SIAE: variants seen among roughly 807,000 people sequenced by gnomAD.
The protein encoded by SIAE is sialate O-acetylesterase.
SIAE carries 39 observed loss-of-function variants against 52.6 expected under a neutral mutation model. That is an observed-to-expected ratio of 0.74 (90% CI 0.57 to 0.97). The LOEUF is 0.97. Among genes scored for constraint, SIAE ranks in the 50% least tolerant of loss-of-function variants. The pLI is 0.00. For synonymous variants in SIAE, 233 were observed against 241.4 expected, an observed-to-expected ratio of 0.97 and a Z score of 0.32; for missense variants, 592 against 662.1, an observed-to-expected ratio of 0.89 and a Z score of 1.16.
intron 6 of SIAE, 132 bp from the exon 7 acceptor site, chr11:124,647,630 C>A: frequency 9.1e-7 from 1 of 1,099,950 alleles, no homozygotes; most frequent in Non-Finnish European, 1.3e-6. Context: ...CTTTTTCCAG[C>A]CAGTGGGGCA....
At chr11:124,639,534 G>C (rs1448012132) in intron 8 of SIAE, among the ~76,000 whole-genome samples, 176 bp downstream of exon 8, 1 of 152,132 alleles carries the variant, frequency 6.6e-6, no homozygotes, top group Non-Finnish European at 1.5e-5. Flanking sequence ...ATAAATTGTT[G>C]GTGCATCAGA....
chr11:124,654,888 C>T, intron 3 of SIAE, 95 bp from the exon 4 acceptor site: 1 of 1,433,240 alleles, frequency 7.0e-7, no homozygotes, highest in Admixed American at 1.7e-5. Flanking sequence ...CCTGAGCTTT[C>T]AATATACTGA....
At chr11:124,661,211 A>G (rs1456683770) in intron 2 of SIAE, among the ~76,000 whole-genome samples, 3 of 152,184 alleles carry the variant, frequency 2.0e-5, no homozygotes, top group African/African-American at 7.2e-5. Flanking sequence ...ATTGAATGTG[A>G]CCACAGGGTA....
intron 3 of SIAE, chr11:124,659,719 A>T (rs1943158429): frequency 6.6e-6 from 1 of 151,430 alleles, no homozygotes; most frequent in African/African-American, 2.4e-5. Context: ...GATAAGGAAG[A>T]CTTCAATGCA....
chr11:124,642,563 C>T (rs766157602), intron 7 of SIAE, among the ~76,000 whole-genome samples: 3 of 152,096 alleles, frequency 2.0e-5, no homozygotes, highest in Admixed American at 6.5e-5. Flanking sequence ...GAAGGAGATG[C>T]GCAAAGAAGC....
chr11:124,673,880 T>C (rs1173980956), upstream of SIAE: 1 of 695,424 alleles, frequency 1.4e-6, no homozygotes, highest in Non-Finnish European at 2.3e-6. Flanking sequence ...TTTTTTTTTT[T>C]TAAAGAAAAA....
intron 4 of SIAE, among the ~76,000 whole-genome samples, chr11:124,652,015 G>A (rs577027719): frequency 9.5e-4 from 144 of 152,310 alleles, no homozygotes; most frequent in Non-Finnish European, 1.7e-3. Flanking sequence ...GAAAAAATAC[G>A]TGAAAAGGCA....
chr11:124,648,301 T>C, intron 5 of SIAE, 126 bp from the exon 6 acceptor site: 1 of 720,610 alleles, frequency 1.4e-6, no homozygotes, highest in Non-Finnish European at 2.5e-6. Flanking sequence ...AGAATTAAAA[T>C]TGAATCGAAA....
intron 2 of SIAE, among the ~76,000 whole-genome samples, chr11:124,668,123 C>T (rs947537335): frequency 6.6e-6 from 1 of 152,182 alleles, no homozygotes; most frequent in Non-Finnish European, 1.5e-5. Context: ...CAACCTATCT[C>T]CTGTCATCTG....
chr11:124,661,064 T>A (rs994958603), intron 2 of SIAE, among the ~76,000 whole-genome samples: 1 of 152,162 alleles, frequency 6.6e-6, no homozygotes. Context: ...TAAATGAGGA[T>A]AGACAAAAAT....
rs113575544 is a variant in SIAE, at chr11:124,639,417, T to G, written c.1124+293A>C. ...TGCCAGTGTGACACTTTAAGATGAC[T>G]ATGGAAGCATAGGTCAACTTGGAGC... is the stretch of plus-strand genomic sequence containing the variant. On this transcript the variant is annotated intron_variant, in intron 8 of 9. Transcript: ENST00000263593. Among the ~76,000 whole-genome samples, 280 of 152,328 alleles carry G rather than the reference T, an allele frequency of 1.8e-3. 1 individual carries two copies. Among genetic ancestry groups the G allele is most frequent in the African/African-American group, 4.7e-3 (197 of 41,570 alleles).
chr11:124,649,652 C>T lies in SIAE; in HGVS notation c.689G>A (p.Arg230Gln), dbSNP rs771162942. Residue 230 changes from arginine to glutamine, a missense_variant, in exon 5 of 10, where the codon CGG becomes CAG. By Grantham distance (43) the Arg-to-Gln change is conservative. Coordinates refer to ENST00000263593, the MANE Select transcript of SIAE (RefSeq NM_170601.5). ...AGGGACCCCACAGGCTTTCAGTGACCGTCCAGATGACCAGGCTTCAATGGG... is the reference window on the plus strand; with the variant it reads ...AGGGACCCCACAGGCTTTCAGTGACTGTCCAGATGACCAGGCTTCAATGGG... ...GTPIEAWSSG[R>Q]SLKACGVPKQ... is the part of the protein sequence containing the mutation. 7 of 1,614,042 alleles carry T rather than the reference C, an allele frequency of 4.3e-6. No individual in the cohort carries two copies. Among genetic ancestry groups the T allele is most frequent in the East Asian group, 2.2e-5 (1 of 44,896 alleles).
chr11:124,668,192 G>T (rs1267055715), intron 2 of SIAE, among the ~76,000 whole-genome samples: 4 of 152,022 alleles, frequency 2.6e-5, no homozygotes, highest in African/African-American at 9.7e-5. Flanking sequence ...TCTCTCCCAT[G>T]GCCCAGGTAC....
intron 5 of SIAE, among the ~76,000 whole-genome samples, chr11:124,648,766 C>A (rs904853700): frequency 4.6e-5 from 7 of 152,146 alleles, no homozygotes; most frequent in South Asian, 2.1e-4. Context: ...CTTGCCCACA[C>A]CCTCGGGATT....
chr11:124,674,725 C>T (rs1344626028), upstream of SIAE: 1 of 152,306 alleles, frequency 6.6e-6, no homozygotes, highest in African/African-American at 2.4e-5. Flanking sequence ...TTCCACAGTA[C>T]GAAGGTGTTC....
intron 3 of SIAE, 74 bp from the exon 4 acceptor site, chr11:124,654,867 T>C: frequency 6.5e-7 from 1 of 1,549,696 alleles, no homozygotes; most frequent in South Asian, 1.1e-5. Flanking sequence ...TAAACATCAG[T>C]CCTCTGAGCT....
At chr11:124,666,006 T>C (rs1225893775) in intron 2 of SIAE, among the ~76,000 whole-genome samples, 2 of 152,174 alleles carry the variant, frequency 1.3e-5, no homozygotes, top group African/African-American at 4.8e-5. Flanking sequence ...CTACCATGTA[T>C]GTCAAAGTGA....
chr11:124,669,455 GC>G lies in SIAE; in HGVS notation c.133del (p.Ala45GlnfsTer2). ...AGGTGTACCGAAGCCCCATATCACT[GC>G]CCCAGCAGGCTCCTTCTGCAGCACC... The part of the protein sequence containing the change: ...DMVLQKEPAG[A>X]VIWGFGTPGA... On this transcript the variant is annotated frameshift_variant, in exon 2 of 10. Coordinates refer to ENST00000263593, the MANE Select transcript of SIAE (RefSeq NM_170601.5). LOFTEE classifies it high-confidence loss of function. 6.2e-7 allele frequency: 1 copy of G among 1,614,092 alleles called. No individual in the cohort carries two copies. The highest frequency in any genetic ancestry group is 8.5e-7 in the Non-Finnish European group (1 of 1,179,998).
intron 2 of SIAE, among the ~76,000 whole-genome samples, chr11:124,668,022 A>G (rs1565418625): frequency 6.6e-6 from 1 of 152,220 alleles, no homozygotes; most frequent in East Asian, 1.9e-4. Flanking sequence ...TTTCTAAAAT[A>G]TCTATCATAT....
Sources: allele counts gnomAD v4.1 joint callset (sites outside exome capture counted in the v4.1 genomes callset), GRCh38; gene constraint gnomAD v4.1.1; transcripts MANE v1.5; gene names NCBI Gene and HGNC (gene_info 2026-07-23, HGNC 2026-07-21).